USO1: variants seen among roughly 807,000 people sequenced by gnomAD.
USO1 encodes general vesicular transport factor p115.
Under a neutral mutation model 124.5 loss-of-function variants are expected in USO1, and 57 were observed. That is an observed-to-expected ratio of 0.46 (90% CI 0.37 to 0.57). USO1 has a LOEUF of 0.57. Among genes scored for constraint, USO1 ranks in the 20% least tolerant of loss-of-function variants. The pLI, the probability that USO1 is intolerant of heterozygous loss-of-function variation, is 0.00. For missense variants in USO1, 900 were observed against 1,040.6 expected (o/e 0.86, Z 1.86); for synonymous variants, 369 against 362.8 (o/e 1.02, Z -0.19).
At position 75,800,699 on chromosome 4, in the gene USO1, G is replaced by A. The variant is rs1156968412; in HGVS notation, c.1764G>A (p.Glu588=). The A allele has an allele frequency of 6.2e-7, 1 of 1,607,010 alleles. No individual in the cohort carries two copies. The highest frequency in any genetic ancestry group is 8.5e-7 in the Non-Finnish European group (1 of 1,178,176). ...IEKLGFISKH[E]LYSRASQKPQ... ...AACTAGGATTTATTAGCAAACATGA[G>A]TTGTATTCCAGAGCATCTCAGAAAC... The change falls in exon 16 of 24, where the codon GAG becomes GAA. Residue 588 remains glutamate, a synonymous_variant. Coordinates refer to ENST00000514213, the MANE Select transcript of USO1 (RefSeq NM_003715.4).
intron 1 of USO1, among the ~76,000 whole-genome samples, chr4:75,737,885 T>C (rs1250454747): frequency 2.0e-5 from 3 of 151,936 alleles, no homozygotes; most frequent in Admixed American, 2.0e-4. Flanking sequence ...TGGAGTGTAG[T>C]GGCGTGATCT....
intron 4 of USO1, 48 bp from the exon 5 acceptor site, chr4:75,770,391 A>G: frequency 6.8e-7 from 1 of 1,467,580 alleles, no homozygotes; most frequent in East Asian, 2.5e-5. Flanking sequence ...AGGATATTTT[A>G]AAATAACCTA....
chr4:75,755,563 C>G (rs1721416663), intron 3 of USO1: 1 of 507,690 alleles, frequency 2.0e-6, no homozygotes, highest in Admixed American at 2.0e-5. Context: ...TCAGTTATGC[C>G]CAGCTGCTTG....
intron 9 of USO1, among the ~76,000 whole-genome samples, chr4:75,784,156 GA>G (rs1722295955): frequency 6.6e-6 from 1 of 152,158 alleles, no homozygotes; most frequent in African/African-American, 2.4e-5. Context: ...GAATAGCTGG[GA>G]CTACAGGCGC....
At chr4:75,786,972 A>G (rs1395781099) in intron 9 of USO1, 90 bp from the exon 10 acceptor site, 1 of 1,395,664 alleles carries the variant, frequency 7.2e-7, no homozygotes, top group Non-Finnish European at 9.3e-7. Context: ...GGAGTACTTC[A>G]TGCAGACTTT....
At chr4:75,744,669 C>G (rs189145794) in intron 1 of USO1, among the ~76,000 whole-genome samples, 37 of 152,348 alleles carry the variant, frequency 2.4e-4, no homozygotes, top group Admixed American at 2.1e-3. Context: ...ATCTGCCTGC[C>G]TTGGCCTCCC....
chr4:75,776,772 G>T (rs1195359061), intron 8 of USO1, among the ~76,000 whole-genome samples: 2 of 152,164 alleles, frequency 1.3e-5, no homozygotes, highest in Non-Finnish European at 2.9e-5. Context: ...CTCCTCATAA[G>T]ATGAGGATCC....
At chr4:75,808,156 T>C (rs1246473965) in intron 20 of USO1, among the ~76,000 whole-genome samples, 3 of 152,188 alleles carry the variant, frequency 2.0e-5, no homozygotes, top group African/African-American at 7.2e-5. Flanking sequence ...GAGCCATTGT[T>C]ATAATTGCCT....
chr4:75,807,502 C>T (rs754718842), intron 20 of USO1, among the ~76,000 whole-genome samples: 12 of 152,034 alleles, frequency 7.9e-5, no homozygotes, highest in Non-Finnish European at 1.3e-4. Flanking sequence ...AGAGAAATGA[C>T]TGAACATAGA....
chr4:75,791,408 C>G (rs1379536686), intron 12 of USO1, among the ~76,000 whole-genome samples: 1 of 152,142 alleles, frequency 6.6e-6, no homozygotes, highest in African/African-American at 2.4e-5. Flanking sequence ...CCTTTAATCC[C>G]AGCTACTCAG....
chr4:75,781,244 A>T (rs1323840978), intron 8 of USO1, among the ~76,000 whole-genome samples: 1 of 152,202 alleles, frequency 6.6e-6, no homozygotes, highest in Non-Finnish European at 1.5e-5. Flanking sequence ...TTAGAAGTGG[A>T]GCCTGAAAAT....
intron 1 of USO1, 63 bp downstream of exon 1, chr4:75,724,948 T>C: frequency 6.3e-7 from 1 of 1,580,490 alleles, no homozygotes. Context: ...GACGGAGCAC[T>C]CGGAGACCCG....
chr4:75,769,943 TAATTA>T (rs1301461003), intron 4 of USO1, among the ~76,000 whole-genome samples: 1 of 152,116 alleles, frequency 6.6e-6, no homozygotes, highest in Non-Finnish European at 1.5e-5. Flanking sequence ...TTTAATTTCA[TAATTA>T]AATTATTTAA....
chr4:75,792,716 A>G (rs1722566637), intron 12 of USO1, among the ~76,000 whole-genome samples: 1 of 152,130 alleles, frequency 6.6e-6, no homozygotes, highest in Non-Finnish European at 1.5e-5. Flanking sequence ...CAAAAAATAA[A>G]ATATACACTT....
In USO1 at chr4:75,800,414, CT is replaced by C; in HGVS notation, c.1631del (p.Leu544CysfsTer17). The C allele has an allele frequency of 1.9e-6, 3 of 1,598,206 alleles. No individual in the cohort carries two copies. Among genetic ancestry groups the C allele is most frequent in the East Asian group, 2.3e-5 (1 of 44,432 alleles). On this transcript the variant is annotated frameshift_variant, in exon 15 of 24. Transcript: ENST00000514213. LOFTEE classifies it high-confidence loss of function. The part of the protein sequence containing the change: ...EEQLVQGLCA[L>X]LLGISIYFND... ...GCAGTTGGTCCAAGGCTTATGTGCC[CT>C]TTTGTTGGGCATTTCGATTTATTTC...
chr4:75,748,238 G>A (rs577185747), intron 1 of USO1, among the ~76,000 whole-genome samples: 3 of 133,974 alleles, frequency 2.2e-5, no homozygotes, highest in African/African-American at 5.4e-5. Context: ...TTACAGGCTG[G>A]AGTGCAGTGG....
chr4:75,741,292 G>A (rs1249687672), intron 1 of USO1, among the ~76,000 whole-genome samples: 1 of 152,166 alleles, frequency 6.6e-6, no homozygotes, highest in Non-Finnish European at 1.5e-5. Context: ...AATAGAGCTT[G>A]CAGGACCAGA....
chr4:75,731,783 GATTA>G (rs931158618), intron 1 of USO1, among the ~76,000 whole-genome samples: 17 of 152,124 alleles, frequency 1.1e-4, no homozygotes, highest in South Asian at 6.2e-4. Context: ...ATGATTGATT[GATTA>G]GAGTTAGCAT....
At chr4:75,745,599 A>G (rs1222555912) in intron 1 of USO1, among the ~76,000 whole-genome samples, 1 of 151,902 alleles carries the variant, frequency 6.6e-6, no homozygotes, top group Non-Finnish European at 1.5e-5. Flanking sequence ...TCTTCCTTAT[A>G]AAGAGTTTAT....
Sources: allele counts gnomAD v4.1 joint callset (sites outside exome capture counted in the v4.1 genomes callset), GRCh38; gene constraint gnomAD v4.1.1; transcripts MANE v1.5; gene names NCBI Gene and HGNC (gene_info 2026-07-23, HGNC 2026-07-21).